Variants in UGT1A8 observed in about 807,000 individuals in gnomAD.
The protein encoded by UGT1A8 is UDP glucuronosyltransferase family 1 member A8.
UGT1A8 carries 39 observed loss-of-function variants against 45.3 expected under a neutral mutation model. That is an observed-to-expected ratio of 0.86 (90% confidence interval 0.67 to 1.12). The LOEUF (loss-of-function observed/expected upper bound fraction) is 1.12. UGT1A8 is among the 50% of genes most tolerant of loss of function. The pLI is 0.00. For missense variants in UGT1A8, 719 were observed against 664.9 expected (o/e 1.08, Z -0.90); for synonymous variants, 275 against 249.2 (o/e 1.10, Z -0.97).
At chr2:233,693,999 C>T (rs998563959) in intron 1 of UGT1A8, 32 of 1,494,952 alleles carry the variant, frequency 2.1e-5, no homozygotes, top group Non-Finnish European at 2.5e-5. Flanking sequence ...ATACCCGGCT[C>T]GGAGCAGCGG....
At position 233,765,498 on chromosome 2, in the gene UGT1A8, A is replaced by T. The variant is rs145381988; in HGVS notation, c.856-1536A>T. Among the ~76,000 whole-genome samples the T allele has an allele frequency of 4.4e-3, 672 of 152,238 alleles. 2 individuals carry two copies. Among genetic ancestry groups the T allele is most frequent in the African/African-American group, 0.015 (643 of 41,546 alleles). On this transcript the variant is annotated intron_variant, in intron 1 of 4. Coordinates refer to ENST00000373450, the MANE Select transcript of UGT1A8 (RefSeq NM_019076.5). ...GGAAGCCATCATCCTCCACAAACTAACACAGGAACAGAAAATCAAACACCG... is the reference window on the plus strand; with the variant it reads ...GGAAGCCATCATCCTCCACAAACTATCACAGGAACAGAAAATCAAACACCG...
intron 1 of UGT1A8, among the ~76,000 whole-genome samples, chr2:233,628,312 T>TTA (rs2073129066): frequency 1.4e-5 from 2 of 145,532 alleles, no homozygotes; most frequent in Admixed American, 7.1e-5. Flanking sequence ...TTTATGTGGT[T>TTA]TATATATATA....
At chr2:233,712,976 G>C (rs750445799) in intron 1 of UGT1A8, 1 of 1,613,080 alleles carries the variant, frequency 6.2e-7, no homozygotes, top group Non-Finnish European at 8.5e-7. Context: ...GTCAGCTGTC[G>C]GTGGCTTCTG....
rs1263379860 is a variant in UGT1A8 at position 233,724,980 on chromosome 2, C to T, written c.856-42054C>T. 2.1e-5 allele frequency among the ~76,000 whole-genome samples: 3 copies of T among 144,408 alleles called. 1 individual carries two copies. Among genetic ancestry groups the T allele is most frequent in the East Asian group, 2.1e-4 (1 of 4,756 alleles). The allele number at this position is 144,408 out of a possible 152,430, so 94.7% of individuals were successfully genotyped here. Reference sequence around the variant, plus strand: ...GGGAGGCCGAGGTTGGCGGATCACTCGCGGTTAGGGGCTGGAGACCGGCCC... The same window carrying T: ...GGGAGGCCGAGGTTGGCGGATCACTTGCGGTTAGGGGCTGGAGACCGGCCC... On this transcript the variant is annotated intron_variant, in intron 1 of 4. Transcript: ENST00000373450.
At chr2:233,731,645 T>A (rs910994370) in intron 1 of UGT1A8, among the ~76,000 whole-genome samples, 2 of 152,242 alleles carry the variant, frequency 1.3e-5, no homozygotes, top group Non-Finnish European at 2.9e-5. Context: ...TAGTATTCCA[T>A]GGTGTATATG....
At chr2:233,630,838 CTT>C (rs35150625) in intron 1 of UGT1A8, among the ~76,000 whole-genome samples, 18 of 139,544 alleles carry the variant, frequency 1.3e-4, no homozygotes, top group East Asian at 8.3e-4. Context: ...CTCTAAAACT[CTT>C]TTTTTTTTTT....
At chr2:233,627,666 T>TTCCTTCCA (rs2073112375) in intron 1 of UGT1A8, among the ~76,000 whole-genome samples, 2 of 150,148 alleles carry the variant, frequency 1.3e-5, no homozygotes, top group African/African-American at 2.4e-5. Context: ...CCTTCCTTCC[T>TTCCTTCCA]TCCTTCCTTC....
chr2:233,768,334 A>G lies in UGT1A8; in HGVS notation c.1190A>G (p.Asn397Ser). 6.2e-7 allele frequency: 1 copy of G among 1,614,208 alleles called. No homozygotes were observed. The highest frequency in any genetic ancestry group is 8.5e-7 in the Non-Finnish European group (1 of 1,180,040). Reference protein sequence around the residue: ...MMPLFGDQMDNAKRMETKGAG... With the variant: ...MMPLFGDQMDSAKRMETKGAG... ...CCCTTGTTTGGTGATCAGATGGACA[A>G]TGCAAAGCGCATGGAGACTAAGGGA... The change falls in exon 4 of 5, where the codon AAT becomes AGT. Residue 397 changes from asparagine (N) to serine (S), a missense_variant. Physicochemically the swap from Asn to Ser is conservative, Grantham distance 46. Transcript: ENST00000373450.
At chr2:233,763,963 A>G (rs1698440106) in intron 1 of UGT1A8, among the ~76,000 whole-genome samples, 1 of 152,196 alleles carries the variant, frequency 6.6e-6, no homozygotes, top group Non-Finnish European at 1.5e-5. Flanking sequence ...GAAGGTTGAG[A>G]TATATGTGGG....
intron 1 of UGT1A8, chr2:233,743,606 A>C (rs1409222712): frequency 7.3e-7 from 1 of 1,367,154 alleles, no homozygotes; most frequent in African/African-American, 1.5e-5. Context: ...CTGGCCGCCG[A>C]AGAACTCCCT....
intron 1 of UGT1A8, among the ~76,000 whole-genome samples, chr2:233,644,598 G>A (rs909507037): frequency 1.4e-5 from 2 of 145,286 alleles, no homozygotes; most frequent in Non-Finnish European, 3.1e-5. Flanking sequence ...ATAAATAAAC[G>A]CTCTCTCAGT....
intron 1 of UGT1A8, among the ~76,000 whole-genome samples, chr2:233,751,420 G>C (rs1694723370): frequency 6.6e-6 from 1 of 152,164 alleles, no homozygotes; most frequent in Non-Finnish European, 1.5e-5. Context: ...TTTTGAGCTA[G>C]TGCTGAAATG....
chr2:233,698,201 C>T (rs1027505391), intron 1 of UGT1A8, among the ~76,000 whole-genome samples: 2 of 152,102 alleles, frequency 1.3e-5, no homozygotes, highest in Non-Finnish European at 2.9e-5. Flanking sequence ...TATCAACATG[C>T]ACTTTTAATT....
chr2:233,637,066 C>T (rs1411797560), intron 1 of UGT1A8: 2 of 1,613,810 alleles, frequency 1.2e-6, no homozygotes, highest in Admixed American at 3.3e-5. Flanking sequence ...AGAAGGTGCA[C>T]AGTGCCCTGC....
At chr2:233,701,138 G>A (rs1232602539) in intron 1 of UGT1A8, among the ~76,000 whole-genome samples, 2 of 152,142 alleles carry the variant, frequency 1.3e-5, no homozygotes, top group Non-Finnish European at 2.9e-5. Flanking sequence ...ATTTAGGTTG[G>A]TTCCAAGTCT....
chr2:233,666,242 C>T (rs2074073752), intron 1 of UGT1A8, among the ~76,000 whole-genome samples: 1 of 152,130 alleles, frequency 6.6e-6, no homozygotes, highest in African/African-American at 2.4e-5. Context: ...TGGGAGGGGG[C>T]ACTAGGTCAT....
At chr2:233,671,957 G>A in intron 1 of UGT1A8, 1 of 1,613,338 alleles carries the variant, frequency 6.2e-7, no homozygotes, top group Non-Finnish European at 8.5e-7. Flanking sequence ...GGGTGGACCA[G>A]CCCCCTTCCT....
At chr2:233,755,437 G>A (rs558010225) in intron 1 of UGT1A8, 20 of 316,674 alleles carry the variant, frequency 6.3e-5, no homozygotes, top group East Asian at 5.9e-4. Flanking sequence ...ATCCCAAGAT[G>A]CAGTGCTCCT....
At chr2:233,671,462 A>G (rs1407223931) in intron 1 of UGT1A8, among the ~76,000 whole-genome samples, 1 of 152,214 alleles carries the variant, frequency 6.6e-6, no homozygotes, top group Admixed American at 6.5e-5. Flanking sequence ...TTAGGAGGTC[A>G]GTGCTAAGGG....
Sources: allele counts gnomAD v4.1 joint callset (sites outside exome capture counted in the v4.1 genomes callset), GRCh38; gene constraint gnomAD v4.1.1; transcripts MANE v1.5; gene names NCBI Gene and HGNC (gene_info 2026-07-23, HGNC 2026-07-21).